Variants in KCNK4 observed in about 807,000 individuals in gnomAD.
The protein encoded by KCNK4 is potassium channel subfamily K member 4.
In KCNK4, 22 loss-of-function variants were observed where a neutral mutation model predicts 28.8. The ratio of observed to expected loss-of-function variants is 0.76; its 90% confidence interval spans 0.55 to 1.09. The LOEUF (loss-of-function observed/expected upper bound fraction) is 1.09, where lower values mean the gene tolerates loss of function less well. Among genes scored for constraint, KCNK4 ranks in the 50% least tolerant of loss-of-function variants. The pLI is 0.00. For missense variants in KCNK4, 483 were observed against 546.3 expected (o/e 0.88, Z 1.15); for synonymous variants, 263 against 252.9 (o/e 1.04, Z -0.38).
chr11:64,295,766 A>G (rs1047610845), intron 2 of KCNK4, among the ~76,000 whole-genome samples: 6 of 152,016 alleles, frequency 3.9e-5, no homozygotes, highest in Non-Finnish European at 8.8e-5. Context: ...GTGGGGAGCC[A>G]TGGAGGGTGT....
intron 4 of KCNK4, 73 bp from the exon 5 acceptor site, chr11:64,297,394 G>A: frequency 1.3e-6 from 2 of 1,581,850 alleles, no homozygotes; most frequent in Non-Finnish European, 1.7e-6. Context: ...AGGCTCCTGG[G>A]GGCGGGAGTG....
intron 2 of KCNK4, among the ~76,000 whole-genome samples, chr11:64,295,330 C>T (rs2034738794): frequency 6.6e-6 from 1 of 152,144 alleles, no homozygotes; most frequent in Admixed American, 6.5e-5. Context: ...GATTGAAATA[C>T]ACCAGGCGAG....
chr11:64,296,874 G>A lies in KCNK4; in HGVS notation c.190-4G>A, dbSNP rs370533896. 2 of 1,509,610 alleles carry A rather than the reference G, an allele frequency of 1.3e-6. No homozygotes were observed. Among genetic ancestry groups the A allele is most frequent in the South Asian group, 1.4e-5 (1 of 73,360 alleles). 93.5% of individuals were successfully genotyped at this position (1,509,610 alleles called of 1,614,324 possible). A position where few individuals can be genotyped will look rare whatever the true frequency, so the allele number is the denominator to read the frequency against. On this transcript the variant is annotated splice_region_variant and splice_polypyrimidine_tract_variant and intron_variant, in intron 2 of 6. Transcript: ENST00000422670. ...AGCTCCTCCTTCTGCACCTTGTCCT[G>A]CAGGAGGTGGCTGATGCCCTGGGAG...
chr11:64,299,508 C>G lies in KCNK4; in HGVS notation c.964C>G (p.Pro322Ala), dbSNP rs576679008. The G allele has an allele frequency of 6.2e-7, 1 of 1,608,816 alleles. No individual in the cohort carries two copies. Among genetic ancestry groups the G allele is most frequent in the Non-Finnish European group, 8.5e-7 (1 of 1,178,596 alleles). The stretch of plus-strand genomic sequence containing the variant: ...GCTGGGCAGGCCCCGATCCCCTTCG[C>G]CCCCCGAGAAGGCTCAGCCGCCTTC... ...QPLGRPRSPS[P>A]PEKAQPPSPP... Residue 322 changes from proline to alanine, a missense_variant, in exon 7 of 7, where the codon CCC (proline) becomes GCC (alanine). Pro to Ala is a conservative substitution (Grantham distance 27). Transcript: ENST00000422670.
In KCNK4 at chr11:64,299,537, G is replaced by C; in HGVS notation, c.993G>C (p.Pro331=). Residue 331 remains proline (P), a synonymous_variant, in exon 7 of 7, where the codon CCG becomes CCC. Coordinates refer to ENST00000422670, the MANE Select transcript of KCNK4 (RefSeq NM_033310.3). Reference sequence around the variant, plus strand: ...CCGAGAAGGCTCAGCCGCCTTCCCCGCCCACGGCCTCGGCCCTGGATTATC... The same window carrying C: ...CCGAGAAGGCTCAGCCGCCTTCCCCCCCCACGGCCTCGGCCCTGGATTATC... The part of the protein sequence containing the change: ...SPPEKAQPPS[P]PTASALDYPS... The C allele has an allele frequency of 6.2e-7, 1 of 1,609,186 alleles. No individual in the cohort carries two copies. Among genetic ancestry groups the C allele is most frequent in the South Asian group, 1.1e-5 (1 of 90,766 alleles).
At position 64,299,435 on chromosome 11, in the gene KCNK4, G is replaced by A. The variant is rs748268121; in HGVS notation, c.891G>A (p.Pro297=). ...GAGCCGGGCCCGCCGCCCCGCCGCC[G>A]GAGAAGGAGCAGCCACTGCTGCCTC... is the stretch of plus-strand genomic sequence containing the variant. ...TQRAGPAAPP[P]EKEQPLLPPP... The change falls in exon 7 of 7, where the codon CCG becomes CCA. Residue 297 remains proline (P), a synonymous_variant. Transcript: ENST00000422670. 3.0e-5 allele frequency: 48 copies of A among 1,591,268 alleles called. No homozygotes were observed. In the South Asian group the frequency reaches 4.9e-4, roughly 16 times the overall value.
At position 64,297,735 on chromosome 11, in the gene KCNK4, G is replaced by C. The variant is rs368738201; in HGVS notation, c.661+82G>C. ...CTCTGCACTCCTGCCTTTCCCTCCA[G>C]ATCCCATGTGGTTGCTCTAACCCCT... On this transcript the variant is annotated intron_variant, in intron 5 of 6. Coordinates refer to ENST00000422670, the MANE Select transcript of KCNK4 (RefSeq NM_033310.3). 2.4e-5 allele frequency: 35 copies of C among 1,435,926 alleles called. No homozygotes were observed. The African/African-American group carries it at 3.1e-4, about 13-fold the overall frequency. The allele number at this position is 1,435,926 out of a possible 1,614,324, so 88.9% of individuals were successfully genotyped here.
At chr11:64,296,617 A>T (rs2034770211) in intron 2 of KCNK4, among the ~76,000 whole-genome samples, 1 of 152,120 alleles carries the variant, frequency 6.6e-6, no homozygotes, top group Non-Finnish European at 1.5e-5. Context: ...CCATGGTAAA[A>T]GTGGAAATTT....
chr11:64,298,057 C>T (rs1014819919), intron 5 of KCNK4, 53 bp from the exon 6 acceptor site: 2 of 1,590,902 alleles, frequency 1.3e-6, no homozygotes, highest in African/African-American at 2.7e-5. Context: ...AACCAGAGCT[C>T]ACAGGCTTGC....
Position 64,296,881 on chromosome 11 carries a change from G to A in KCNK4, c.193G>A (p.Val65Met). ...CCTTCTGCACCTTGTCCTGCAGGAG[G>A]TGGCTGATGCCCTGGGAGGGGGTGC... is the stretch of plus-strand genomic sequence containing the variant. Reference protein sequence around the residue: ...DQELGLLIKEVADALGGGADP... With the variant: ...DQELGLLIKEMADALGGGADP... Residue 65 changes from valine (V) to methionine (M), a missense_variant, in exon 3 of 7, where the codon GTG (valine) becomes ATG (methionine). Val to Met is a conservative substitution (Grantham distance 21). Coordinates refer to ENST00000422670, the MANE Select transcript of KCNK4 (RefSeq NM_033310.3). The A allele has an allele frequency of 1.3e-6, 2 of 1,510,002 alleles. No individual in the cohort carries two copies. The highest frequency in any genetic ancestry group is 1.8e-6 in the Non-Finnish European group (2 of 1,130,962). 93.5% of individuals were successfully genotyped at this position (1,510,002 alleles called of 1,614,324 possible).
rs868622394 is a variant in KCNK4, at chr11:64,296,906, C to T, written c.218C>T (p.Ala73Val). ...KEVADALGGGADPETNSTSNS... is the reference protein window; with the variant it reads ...KEVADALGGGVDPETNSTSNS... ...GTGGCTGATGCCCTGGGAGGGGGTG[C>T]GGACCCAGAAACCAACTCGACCAGC... The change falls in exon 3 of 7, where the codon GCG (alanine) becomes GTG (valine). Residue 73 changes from alanine (A) to valine (V), a missense_variant. Transcript: ENST00000422670. 12 of 1,510,774 alleles carry T rather than the reference C, an allele frequency of 7.9e-6. No homozygotes were observed. The highest frequency in any genetic ancestry group is 2.8e-5 in the African/African-American group (2 of 71,472). 93.6% of individuals were successfully genotyped at this position (1,510,774 alleles called of 1,614,324 possible).
intron 1 of KCNK4, 27 bp from the exon 2 acceptor site, chr11:64,292,915 C>A: frequency 6.9e-7 from 1 of 1,444,878 alleles, no homozygotes; most frequent in Non-Finnish European, 9.1e-7. Context: ...AGCTCAGTGA[C>A]CCCAGCATCC....
chr11:64,298,241 C>G lies in KCNK4; in HGVS notation c.793C>G (p.Arg265Gly), dbSNP rs759333635. Residue 265 changes from arginine (R) to glycine (G), a missense_variant, in exon 6 of 7, where the codon CGG becomes GGG. Arg to Gly is a moderately radical substitution (Grantham distance 125). Transcript: ENST00000422670. ...NWLRVVSRRT[R>G]AEMGGLTAQA... Reference sequence around the variant, plus strand: ...GCTGCGAGTAGTGTCCCGCCGCACTCGGGCAGAGGTAGGCGCCCCAGGGTT... The same window carrying G: ...GCTGCGAGTAGTGTCCCGCCGCACTGGGGCAGAGGTAGGCGCCCCAGGGTT... 3.1e-6 allele frequency: 5 copies of G among 1,612,436 alleles called. No homozygotes were observed. Among genetic ancestry groups the G allele is most frequent in the East Asian group, 4.5e-5 (2 of 44,888 alleles).
At chr11:64,296,132 G>A (rs2034758632) in intron 2 of KCNK4, 1 of 152,092 alleles carries the variant, frequency 6.6e-6, no homozygotes, top group South Asian at 2.1e-4. Flanking sequence ...CACTTGACTA[G>A]CCTTAAAATA....
At chr11:64,293,850 C>T (rs2034700958) in intron 2 of KCNK4, among the ~76,000 whole-genome samples, 1 of 152,178 alleles carries the variant, frequency 6.6e-6, no homozygotes, top group Admixed American at 6.5e-5. Context: ...ATCCACCCGC[C>T]TCGGCCTCCC....
intron 2 of KCNK4, 128 bp from the exon 3 acceptor site, chr11:64,296,750 G>T: frequency 1.0e-6 from 1 of 979,684 alleles, no homozygotes; most frequent in Non-Finnish European, 1.4e-6. Flanking sequence ...CTGCCTCCTG[G>T]GAGACCAAAG....
chr11:64,293,759 C>T (rs1186321433), intron 2 of KCNK4, among the ~76,000 whole-genome samples: 1 of 152,094 alleles, frequency 6.6e-6, no homozygotes, highest in Non-Finnish European at 1.5e-5. Flanking sequence ...CATCACCACA[C>T]CCGGCTAAAT....
At chr11:64,298,335 T>C (rs984674362) in intron 6 of KCNK4, 86 bp downstream of exon 6, 3 of 1,529,072 alleles carry the variant, frequency 2.0e-6, no homozygotes, top group Non-Finnish European at 1.8e-6. Context: ...GGCTGTCTCC[T>C]ATCCAGGGCG....
Position 64,300,001 on chromosome 11 carries a change from T to A in KCNK4, c.*275T>A. The A allele has an allele frequency of 1.6e-6, 1 of 633,440 alleles. No homozygotes were observed. Among genetic ancestry groups the A allele is most frequent in the Non-Finnish European group, 2.7e-6 (1 of 367,538 alleles). 39.2% of individuals were successfully genotyped at this position (633,440 alleles called of 1,614,324 possible). ...AGCCTGCATCAATAAATGAAAACGG[T>A]CTGCACCGCTGCGGGCGTGACGCTC... is the stretch of plus-strand genomic sequence containing the variant. On this transcript the variant is annotated 3_prime_UTR_variant, in exon 7 of 7. Coordinates refer to ENST00000422670, the MANE Select transcript of KCNK4 (RefSeq NM_033310.3).
Sources: gnomAD v4.1 joint callset for allele counts (sites outside exome capture counted in the v4.1 genomes callset) on GRCh38, gnomAD v4.1.1 for gene constraint, MANE v1.5 for transcripts, NCBI Gene and HGNC (gene_info 2026-07-23, HGNC 2026-07-21) for gene names.